The following SMG6 variants were observed in gnomAD, a reference collection of about 807,000 sequenced individuals.
SMG6 encodes the protein SMG6 nonsense mediated mRNA decay factor.
SMG6 carries 66 observed loss-of-function variants against 142.2 expected under a neutral mutation model. The ratio of observed to expected loss-of-function variants is 0.46; its 90% CI spans 0.38 to 0.57. The LOEUF (loss-of-function observed/expected upper bound fraction) is 0.57. Ranked by LOEUF, SMG6 falls within the 20% of genes least tolerant of loss-of-function variation. The pLI, the probability that SMG6 is intolerant of heterozygous loss-of-function variation, is 0.00. For synonymous variants in SMG6, 779 were observed against 702.4 expected, an observed-to-expected ratio of 1.11 and a Z score of -1.72; for missense variants, 1,793 against 1,832.0, an observed-to-expected ratio of 0.98 and a Z score of 0.39.
In SMG6 at chr17:2,303,637, G is replaced by T; in HGVS notation, c.84C>A (p.Ser28Arg). 1 of 1,483,590 alleles carries T rather than the reference G, an allele frequency of 6.7e-7. No homozygotes were observed. The allele number at this position is 1,483,590 out of a possible 1,614,324, so 91.9% of individuals were successfully genotyped here. Residue 28 changes from serine to arginine, a missense_variant, in exon 1 of 19, where the codon AGC (serine) becomes AGA (arginine). Around this residue, in one of 3 missense-constraint regions of SMG6, gnomAD observed 1,597 missense variants for 1,584.6 expected, o/e 1.01. Coordinates refer to ENST00000263073, the MANE Select transcript of SMG6 (RefSeq NM_017575.5). ...GAGCTGGGCGGCGCGACTCACCTCTGCTCCCGGCCTGCGGGGCCAGAGTAG... is the reference window on the plus strand; with the variant it reads ...GAGCTGGGCGGCGCGACTCACCTCTTCTCCCGGCCTGCGGGGCCAGAGTAG... ...ILATLAPQAGSRENMKELKEA... is the reference protein window; with the variant it reads ...ILATLAPQAGRRENMKELKEA...
chr17:2,282,670 G>C lies in SMG6; in HGVS notation c.2638C>G (p.Leu880Val), dbSNP rs773991654. Residue 880 changes from leucine to valine, a missense_variant, in exon 8 of 19, where the codon CTG becomes GTG. Leu to Val is a conservative substitution (Grantham distance 32, BLOSUM62 1). Around this residue, in one of 3 missense-constraint regions of SMG6, gnomAD observed 1,597 missense variants for 1,584.6 expected, o/e 1.01. Transcript: ENST00000263073. ...ACATCACTGGGACTCAGGCTGCCCA[G>C]CCCATTCTCTTGCTCAGAATCCTTC... The part of the protein sequence containing the change: ...SGKDSEQENG[L>V]GSLSPSDLNK... The C allele has an allele frequency of 3.1e-6, 5 of 1,614,084 alleles. No homozygotes were observed. In the South Asian group the frequency reaches 5.5e-5, roughly 18 times the overall value.
chr17:2,142,004 G>C (rs563939160), intron 13 of SMG6, among the ~76,000 whole-genome samples: 1 of 152,068 alleles, frequency 6.6e-6, no homozygotes, highest in Non-Finnish European at 1.5e-5. Context: ...AAGAAACTTC[G>C]TTTAGTGAGG....
At chr17:2,289,553 T>A (rs2074985114) in intron 6 of SMG6, among the ~76,000 whole-genome samples, 1 of 152,134 alleles carries the variant, frequency 6.6e-6, no homozygotes, top group Non-Finnish European at 1.5e-5. Flanking sequence ...TGCGATCCTA[T>A]CTCTTAAATA....
chr17:2,072,042 G>A (rs1205489305), intron 15 of SMG6: 1 of 152,224 alleles, frequency 6.6e-6, no homozygotes, highest in African/African-American at 2.4e-5. Context: ...AAGTGATGTC[G>A]GTGGGGAGAG....
chr17:2,194,927 AG>A (rs1336082186), intron 10 of SMG6, among the ~76,000 whole-genome samples: 1 of 152,104 alleles, frequency 6.6e-6, no homozygotes, highest in Non-Finnish European at 1.5e-5. Flanking sequence ...GGAGGGAGAG[AG>A]GTATGTGTCA....
chr17:2,085,591 G>A lies in SMG6; in HGVS notation c.3534+134C>T, dbSNP rs944701296. 9 of 912,028 alleles carry A rather than the reference G, an allele frequency of 9.9e-6. No homozygotes were observed. The highest frequency in any genetic ancestry group is 4.8e-5 in the Admixed American group (2 of 41,736). 56.5% of individuals were successfully genotyped at this position (912,028 alleles called of 1,614,324 possible). On this transcript the variant is annotated intron_variant, in intron 14 of 18. Coordinates refer to ENST00000263073, the MANE Select transcript of SMG6 (RefSeq NM_017575.5). This position sits in a 1 kb window ranked among gnomAD's most constrained non-coding sequence, Gnocchi z 4.1. ...AGGGGCACCATCAGAGCACACTCTC[G>A]AGAAGCTGGCTGGTCACATTAACAC...
chr17:2,249,392 C>T (rs1413426633), intron 8 of SMG6, among the ~76,000 whole-genome samples: 1 of 152,204 alleles, frequency 6.6e-6, no homozygotes, highest in African/African-American at 2.4e-5. Context: ...GACTCCTGGG[C>T]TCAAGCAATC....
In SMG6 at chr17:2,195,096, G is replaced by A. The variant is rs1286402844; in HGVS notation, c.2870-6581C>T. ...CCCTGTGGAAGCCATTAGATATTCG[G>A]CACTTCATTTGTTTCCAATTCTTGT... On this transcript the variant is annotated intron_variant, in intron 10 of 18. Coordinates refer to ENST00000263073, the MANE Select transcript of SMG6 (RefSeq NM_017575.5). Among the ~76,000 whole-genome samples, 6 of 152,188 alleles carry A rather than the reference G, an allele frequency of 3.9e-5. No individual in the cohort carries two copies. The South Asian group carries it at 1.2e-3, about 32-fold the overall frequency.
intron 8 of SMG6, among the ~76,000 whole-genome samples, chr17:2,255,015 A>G (rs2074132917): frequency 6.6e-6 from 1 of 152,190 alleles, no homozygotes; most frequent in Non-Finnish European, 1.5e-5. Flanking sequence ...GATGTTCTCA[A>G]AAGTGGTACA....
At chr17:2,249,047 C>CGA in intron 8 of SMG6, among the ~76,000 whole-genome samples, 1 of 151,182 alleles carries the variant, frequency 6.6e-6, no homozygotes, top group Non-Finnish European at 1.5e-5. Context: ...CCACCACGCC[C>CGA]CGTTAATTTT....
Position 2,255,428 on chromosome 17 carries a change from AAG to A in SMG6, c.2662-10711_2662-10710del, listed in dbSNP as rs1270692660. 8.3e-5 allele frequency among the ~76,000 whole-genome samples: 12 copies of A among 144,636 alleles called. 2 individuals are homozygous for A. Among genetic ancestry groups the A allele is most frequent in the African/African-American group, 2.3e-4 (9 of 38,600 alleles). 94.9% of individuals were successfully genotyped at this position (144,636 alleles called of 152,430 possible). ...CAAAAAAAAAAAAAAAAAAAAAAAAAAGAATGTGATCTTCATTAAAGCCACTG... is the reference window on the plus strand; with the variant it reads ...CAAAAAAAAAAAAAAAAAAAAAAAAAAATGTGATCTTCATTAAAGCCACTG... On this transcript the variant is annotated intron_variant, in intron 8 of 18. Coordinates refer to ENST00000263073, the MANE Select transcript of SMG6 (RefSeq NM_017575.5).
intron 14 of SMG6, among the ~76,000 whole-genome samples, chr17:2,084,839 C>T (rs947789764): frequency 2.6e-5 from 4 of 152,184 alleles, no homozygotes; most frequent in Admixed American, 2.0e-4. Context: ...AACACACATC[C>T]AGACAGAAAT....
chr17:2,219,136 G>A (rs892069255), intron 10 of SMG6, among the ~76,000 whole-genome samples: 4 of 152,112 alleles, frequency 2.6e-5, no homozygotes, highest in African/African-American at 7.2e-5. Context: ...TGTAATCCCC[G>A]CACTTTGGGA....
intron 10 of SMG6, among the ~76,000 whole-genome samples, chr17:2,209,232 G>A (rs982134368): frequency 1.3e-5 from 2 of 152,190 alleles, no homozygotes; most frequent in African/African-American, 4.8e-5. Context: ...TTTGTATTGA[G>A]ATGGAGTCTC....
intron 13 of SMG6, among the ~76,000 whole-genome samples, chr17:2,162,374 C>A (rs1203179535): frequency 6.6e-6 from 1 of 151,798 alleles, no homozygotes; most frequent in Admixed American, 6.6e-5. Flanking sequence ...ATTAGCCAGG[C>A]GTGGTGGTGG....
At chr17:2,206,055 C>T (rs1597597964) in intron 10 of SMG6, among the ~76,000 whole-genome samples, 1 of 152,118 alleles carries the variant, frequency 6.6e-6, no homozygotes, top group African/African-American at 2.4e-5. Context: ...CTGATCCACC[C>T]GCCTTGGCCT....
At chr17:2,126,923 C>T (rs2069904380) in intron 13 of SMG6, among the ~76,000 whole-genome samples, 1 of 137,396 alleles carries the variant, frequency 7.3e-6, no homozygotes, top group Non-Finnish European at 1.6e-5. Flanking sequence ...CAGACACAAA[C>T]ATACATGCAC....
rs1372261467 is a variant in SMG6, at chr17:2,112,521, TAAAA to T, written c.3358-26624_3358-26621del. On this transcript the variant is annotated intron_variant, in intron 13 of 18. Coordinates refer to ENST00000263073, the MANE Select transcript of SMG6 (RefSeq NM_017575.5). ...AGACTCTGTCTCAAAAAAAATAAAA[TAAAA>T]AATAAATAAATAAATAAATAAATAA... 8.9e-5 allele frequency among the ~76,000 whole-genome samples: 8 copies of T among 90,370 alleles called. No homozygotes were observed. The South Asian group carries it at 1.0e-3, about 12-fold the overall frequency. 59.3% of individuals were successfully genotyped at this position (90,370 alleles called of 152,430 possible).
chr17:2,102,501 C>T (rs1424190725), intron 13 of SMG6, among the ~76,000 whole-genome samples: 4 of 146,754 alleles, frequency 2.7e-5, no homozygotes, highest in East Asian at 4.0e-4. Flanking sequence ...GGACTACAGG[C>T]GTGGACCACC....
Sources: gnomAD v4.1 joint callset for allele counts (sites outside exome capture counted in the v4.1 genomes callset) on GRCh38, gnomAD v4.1.1 for gene constraint, gnomAD v4.1.1 regional missense constraint, Gnocchi (gnomAD v3.1) non-coding constraint, MANE v1.5 for transcripts, NCBI Gene and HGNC (gene_info 2026-07-23, HGNC 2026-07-21) for gene names.